PAPPA2: variants seen among roughly 807,000 people sequenced by gnomAD.
PAPPA2 encodes pappalysin 2, also known as pappalysin-2.
A neutral mutation model predicts 176.4 loss-of-function variants in PAPPA2; 86 were observed. The observed-to-expected ratio is 0.49, with a 90% confidence interval of 0.41 to 0.58. The LOEUF is 0.58. Ranked by LOEUF, PAPPA2 falls within the 20% of genes least tolerant of loss-of-function variation. The probability of loss-of-function intolerance (pLI) is 0.00; values close to 1 mark genes in which losing one functional copy is unlikely to be tolerated. For missense variants in PAPPA2, 2,073 were observed against 2,256.9 expected (o/e 0.92, Z 1.65); for synonymous variants, 809 against 852.2 (o/e 0.95, Z 0.88).
chr1:176,701,658 G>A (rs571404439), intron 8 of PAPPA2, among the ~76,000 whole-genome samples: 2 of 152,282 alleles, frequency 1.3e-5, no homozygotes, highest in Admixed American at 6.5e-5. Flanking sequence ...CTTTGTGGGT[G>A]AGTTGAAAAG....
intron 19 of PAPPA2, among the ~76,000 whole-genome samples, chr1:176,791,887 G>A (rs1665193245): frequency 6.6e-6 from 1 of 152,202 alleles, no homozygotes; most frequent in Non-Finnish European, 1.5e-5. Context: ...CTGAAGAGTG[G>A]ATTGAAATGC....
intron 21 of PAPPA2, among the ~76,000 whole-genome samples, chr1:176,828,785 C>G (rs927845863): frequency 2.0e-5 from 3 of 151,726 alleles, no homozygotes; most frequent in Non-Finnish European, 4.4e-5. Flanking sequence ...GGGTGAATCA[C>G]GAGGTCAGGA....
chr1:176,487,272 G>A (rs977835465), intron 1 of PAPPA2, among the ~76,000 whole-genome samples: 33 of 152,122 alleles, frequency 2.2e-4, no homozygotes, highest in African/African-American at 7.7e-4. Flanking sequence ...CATTCCATGT[G>A]CACTCCTCTG....
chr1:176,774,523 A>G (rs373323494), intron 17 of PAPPA2, among the ~76,000 whole-genome samples: 5 of 152,242 alleles, frequency 3.3e-5, no homozygotes, highest in African/African-American at 1.2e-4. Flanking sequence ...CAAATCAGTT[A>G]TCAACTCTGA....
chr1:176,619,872 C>T (rs12138378), intron 3 of PAPPA2, among the ~76,000 whole-genome samples: 7,775 of 111,214 alleles, frequency 0.07, 283 homozygotes, highest in East Asian at 0.4. Context: ...TCAGTAAACT[C>T]ATAATAAAAC....
At chr1:176,735,829 C>G (rs1662386475) in intron 12 of PAPPA2, among the ~76,000 whole-genome samples, 1 of 151,956 alleles carries the variant, frequency 6.6e-6, no homozygotes, top group Non-Finnish European at 1.5e-5. Context: ...ATTCACTAAG[C>G]TAATTTCACT....
At chr1:176,721,162 T>C (rs1372152057) in intron 12 of PAPPA2, among the ~76,000 whole-genome samples, 1 of 152,162 alleles carries the variant, frequency 6.6e-6, no homozygotes, top group Non-Finnish European at 1.5e-5. Flanking sequence ...ATATTTAAAA[T>C]TTACCATCAC....
chr1:176,825,732 C>T (rs1419516266), intron 21 of PAPPA2, among the ~76,000 whole-genome samples: 1 of 152,154 alleles, frequency 6.6e-6, no homozygotes, highest in African/African-American at 2.4e-5. Flanking sequence ...GCTTTGAAAC[C>T]ATGTTACGTA....
At chr1:176,588,077 CTT>C (rs1553369081) in intron 2 of PAPPA2, among the ~76,000 whole-genome samples, 2 of 152,132 alleles carry the variant, frequency 1.3e-5, no homozygotes, top group Non-Finnish European at 2.9e-5. Context: ...TGTGTCCTCT[CTT>C]ATATCCTTGA....
intron 1 of PAPPA2, among the ~76,000 whole-genome samples, chr1:176,492,206 GCA>G (rs1445292635): frequency 6.6e-6 from 1 of 152,214 alleles, no homozygotes; most frequent in East Asian, 1.9e-4. Flanking sequence ...GCACAGCCAT[GCA>G]CAGATGGCTG....
rs777274521 is a variant in PAPPA2, at chr1:176,769,716, C to T, written c.4433C>T (p.Ser1478Phe). 2.5e-6 allele frequency: 4 copies of T among 1,613,834 alleles called. No individual in the cohort carries two copies. Among genetic ancestry groups the T allele is most frequent in the Non-Finnish European group, 1.7e-6 (2 of 1,179,942 alleles). Residue 1478 changes from serine to phenylalanine, a missense_variant, in exon 16 of 23, where the codon TCC becomes TTC. Ser to Phe is a radical substitution (Grantham distance 155). Coordinates refer to ENST00000367662, the MANE Select transcript of PAPPA2 (RefSeq NM_020318.3). ...DPSLVNYANF[S>F]CSEGTKFLKR... ...TCTTTGGTGAACTATGCAAACTTCT[C>T]CTGCTCAGAGGGAACCAAATTTCTG...
At chr1:176,680,963 G>T (rs1357190988) in intron 4 of PAPPA2, among the ~76,000 whole-genome samples, 1 of 152,182 alleles carries the variant, frequency 6.6e-6, no homozygotes, top group Non-Finnish European at 1.5e-5. Flanking sequence ...TGACTGAGTG[G>T]ATGGTGGTGC....
intron 5 of PAPPA2, chr1:176,690,970 C>A: frequency 1.0e-6 from 1 of 982,776 alleles, no homozygotes; most frequent in Non-Finnish European, 1.2e-6. Flanking sequence ...AGCACAAATT[C>A]TTAGCTGCCT....
At chr1:176,596,333 T>C (rs1336965156) in intron 3 of PAPPA2, among the ~76,000 whole-genome samples, 2 of 152,196 alleles carry the variant, frequency 1.3e-5, no homozygotes, top group Non-Finnish European at 2.9e-5. Context: ...ACCACCTATA[T>C]AGCACAGCCT....
chr1:176,804,416 A>G (rs574750341), intron 21 of PAPPA2, among the ~76,000 whole-genome samples: 1 of 152,302 alleles, frequency 6.6e-6, no homozygotes, highest in South Asian at 2.1e-4. Flanking sequence ...TGAGTGGAGG[A>G]CAGGGATGCT....
intron 12 of PAPPA2, among the ~76,000 whole-genome samples, chr1:176,712,371 C>G (rs558850123): frequency 4.6e-5 from 7 of 152,268 alleles, no homozygotes; most frequent in Admixed American, 2.6e-4. Context: ...GAGGTGGATA[C>G]TATTTCTGTT....
At chr1:176,563,750 C>T (rs753735856) in intron 2 of PAPPA2, among the ~76,000 whole-genome samples, 17 of 152,136 alleles carry the variant, frequency 1.1e-4, no homozygotes, top group African/African-American at 3.4e-4. Flanking sequence ...AATGTAAGTA[C>T]GTCTTGCACA....
chr1:176,630,613 CAA>C (rs564044458), intron 3 of PAPPA2, among the ~76,000 whole-genome samples: 14 of 151,738 alleles, frequency 9.2e-5, no homozygotes, highest in Non-Finnish European at 1.9e-4. Flanking sequence ...AAAAAAATGA[CAA>C]GTCATTAAAC....
chr1:176,685,531 A>G (rs1328946787), intron 4 of PAPPA2, among the ~76,000 whole-genome samples: 1 of 152,224 alleles, frequency 6.6e-6, no homozygotes, highest in Non-Finnish European at 1.5e-5. Context: ...GCTTCAGAAG[A>G]TAATGCTGGT....
Sources: allele counts gnomAD v4.1 joint callset (sites outside exome capture counted in the v4.1 genomes callset), GRCh38; gene constraint gnomAD v4.1.1; transcripts MANE v1.5; gene names NCBI Gene and HGNC (gene_info 2026-07-23, HGNC 2026-07-21).